The following C19orf12 variants were observed in gnomAD, a reference collection of about 807,000 sequenced individuals.
C19orf12 encodes chromosome 19 open reading frame 12.
In C19orf12, 2 loss-of-function variants were observed where a neutral mutation model predicts 3.8. That is an observed-to-expected ratio of 0.53 (90% CI 0.22 to 1.66). The LOEUF (loss-of-function observed/expected upper bound fraction) is 1.66, where lower values mean the gene tolerates loss of function less well. Ranked by LOEUF, C19orf12 falls within the 40% of genes most tolerant of loss-of-function variation. C19orf12 has a pLI of 0.20. For synonymous variants in C19orf12, 89 were observed against 84.6 expected (o/e 1.05, Z -0.28); for missense variants, 156 against 188.8 (o/e 0.83, Z 1.02).
intron 1 of C19orf12, among the ~76,000 whole-genome samples, chr19:29,709,641 C>T (rs1025325591): frequency 2.0e-5 from 3 of 151,486 alleles, no homozygotes; most frequent in Admixed American, 1.3e-4. Context: ...GCGATCCTCC[C>T]ACCTCAGCCT....
intron 2 of C19orf12, 108 bp from the exon 3 acceptor site, chr19:29,703,085 G>A: frequency 6.0e-6 from 9 of 1,499,126 alleles, no homozygotes; most frequent in Non-Finnish European, 7.4e-6. Context: ...GCACATTCAT[G>A]AGCGGGCTGC....
In C19orf12 at chr19:29,715,203, C is replaced by T. The variant is rs919857361; in HGVS notation, c.-89G>A. 2 of 471,192 alleles carry T rather than the reference C, an allele frequency of 4.2e-6. No homozygotes were observed. The highest frequency in any genetic ancestry group is 4.3e-5 in the African/African-American group (2 of 47,018). 29.2% of individuals were successfully genotyped at this position (471,192 alleles called of 1,614,324 possible). A position where few individuals can be genotyped will look rare whatever the true frequency, so the allele number is the denominator to read the frequency against. On this transcript the variant is annotated 5_prime_UTR_variant, in exon 1 of 3. Coordinates refer to ENST00000323670, the MANE Select transcript of C19orf12 (RefSeq NM_031448.6). ...CCGGGCCTGGCAGGCCCCGGGCTCC[C>T]CGCCCAGCTCCCCAGCCCCGCGGAG...
In C19orf12 at chr19:29,699,158, G is replaced by C. The variant is rs979910997; in HGVS notation, c.*3554C>G. On this transcript the variant is annotated 3_prime_UTR_variant, in exon 3 of 3. Transcript: ENST00000323670. ...TCAAAGGGGCATATAGGATAAGAAG[G>C]CAAGTACGTTAGAAATATACATACA... 2 of 453,728 alleles carry C rather than the reference G, an allele frequency of 4.4e-6. No individual in the cohort carries two copies. The highest frequency in any genetic ancestry group is 4.0e-5 in the African/African-American group (2 of 49,898). 28.1% of individuals were successfully genotyped at this position (453,728 alleles called of 1,614,324 possible). A position where few individuals can be genotyped will look rare whatever the true frequency, so the allele number is the denominator to read the frequency against.
chr19:29,700,193 C>G lies in C19orf12; in HGVS notation c.*2519G>C, dbSNP rs1972004997. The G allele has an allele frequency of 4.4e-6, 2 of 453,942 alleles. No homozygotes were observed. The highest frequency in any genetic ancestry group is 8.8e-6 in the Non-Finnish European group (2 of 226,778). 28.1% of individuals were successfully genotyped at this position (453,942 alleles called of 1,614,324 possible). ...CTGTGTCCCCTGGGCCTGACACAGA[C>G]CAGGACCTGATGCACGAGTAAGAAT... On this transcript the variant is annotated 3_prime_UTR_variant, in exon 3 of 3. Transcript: ENST00000323670.
chr19:29,709,860 GT>G (rs1025589383), intron 1 of C19orf12, among the ~76,000 whole-genome samples: 1 of 151,398 alleles, frequency 6.6e-6, no homozygotes, highest in Non-Finnish European at 1.5e-5. Context: ...GTTTTATGAG[GT>G]TTTTTTGTTT....
At chr19:29,705,479 A>G (rs1192157656) in intron 2 of C19orf12, 1 of 282,940 alleles carries the variant, frequency 3.5e-6, no homozygotes, top group Non-Finnish European at 7.1e-6. Flanking sequence ...AATGGTTAAT[A>G]GTAATGTATT....
At chr19:29,709,403 C>T (rs1972552081) in intron 1 of C19orf12, among the ~76,000 whole-genome samples, 2 of 152,322 alleles carry the variant, frequency 1.3e-5, no homozygotes, top group Admixed American at 1.3e-4. Context: ...TCTGGCTGAG[C>T]CCAAGGCTCC....
chr19:29,708,734 G>C, intron 1 of C19orf12: 1 of 412,004 alleles, frequency 2.4e-6, no homozygotes, highest in Non-Finnish European at 4.6e-6. Context: ...CATCACGAGG[G>C]AGGTGGTCTG....
At chr19:29,710,622 G>A (rs1972616276) in intron 1 of C19orf12, among the ~76,000 whole-genome samples, 1 of 152,158 alleles carries the variant, frequency 6.6e-6, no homozygotes, top group African/African-American at 2.4e-5. Context: ...TTGTCCCCAT[G>A]GAGTATGAGA....
chr19:29,700,264 G>T lies in C19orf12; in HGVS notation c.*2448C>A. 2.2e-6 allele frequency: 1 copy of T among 454,030 alleles called. No individual in the cohort carries two copies. The allele number at this position is 454,030 out of a possible 1,614,324, so 28.1% of individuals were successfully genotyped here. A position where few individuals can be genotyped will look rare whatever the true frequency, so the allele number is the denominator to read the frequency against. On this transcript the variant is annotated 3_prime_UTR_variant, in exon 3 of 3. Transcript: ENST00000323670. ...ACAAAGGCAACTCAATTTCAGCCCC[G>T]ATTGTTCCAGAAGGATTTGCTGTAA...
intron 2 of C19orf12, among the ~76,000 whole-genome samples, chr19:29,706,849 G>T (rs766612003): frequency 2.6e-5 from 4 of 152,182 alleles, no homozygotes; most frequent in Non-Finnish European, 5.9e-5. Context: ...AGCGAGCTGG[G>T]GAACGGAAGC....
upstream of C19orf12, chr19:29,715,364 CG>C: frequency 2.5e-5 from 10 of 392,576 alleles, no homozygotes; most frequent in Admixed American, 8.7e-5. Flanking sequence ...TAGGGGGAGC[CG>C]GGGGTCGCTG....
rs397514477 is a variant in C19orf12, at chr19:29,708,415, G to A, written c.-2C>T. 24 of 1,613,672 alleles carry A rather than the reference G, an allele frequency of 1.5e-5. No homozygotes were observed. The highest frequency in any genetic ancestry group is 2.7e-5 in the African/African-American group (2 of 74,920). ...GATGTCCTCCACCATGATAGTCATC[G>A]TGGCGGGCCTTCGAGGGAGAAGTTC... On this transcript the variant is annotated 5_prime_UTR_variant, in exon 2 of 3. It adds an upstream start codon to the 5' untranslated region. Transcript: ENST00000323670.
chr19:29,704,291 A>T (rs996034422), intron 2 of C19orf12, among the ~76,000 whole-genome samples: 3 of 152,072 alleles, frequency 2.0e-5, no homozygotes, highest in Non-Finnish European at 4.4e-5. Flanking sequence ...AACATGGTGA[A>T]ACCCTGTCTC....
intron 2 of C19orf12, among the ~76,000 whole-genome samples, chr19:29,705,850 C>T (rs1335498838): frequency 6.6e-6 from 1 of 152,132 alleles, no homozygotes; most frequent in Non-Finnish European, 1.5e-5. Flanking sequence ...TACAGTAATA[C>T]ATGTGATCGC....
chr19:29,702,371 C>T lies in C19orf12; in HGVS notation c.*341G>A, dbSNP rs528052606. The stretch of plus-strand genomic sequence containing the variant: ...GGAGGATGAAGTGTGGTCAGACCGT[C>T]GGCTGAGCGTGATCACTTCCCCAGA... On this transcript the variant is annotated 3_prime_UTR_variant, in exon 3 of 3. Transcript: ENST00000323670. The T allele has an allele frequency of 9.6e-6, 5 of 519,536 alleles. No individual in the cohort carries two copies. The highest frequency in any genetic ancestry group is 5.0e-5 in the East Asian group (1 of 19,888). The allele number at this position is 519,536 out of a possible 1,614,324, so 32.2% of individuals were successfully genotyped here.
In C19orf12 at chr19:29,715,152, G is replaced by A. The variant is rs558329031; in HGVS notation, c.-38C>T. On this transcript the variant is annotated 5_prime_UTR_variant, in exon 1 of 3. Coordinates refer to ENST00000323670, the MANE Select transcript of C19orf12 (RefSeq NM_031448.6). ...GGGGGAGCGGAGGTCTACGCGGCGC[G>A]CTCGGCGATCAGACGCGGCTGCAGC... The A allele has an allele frequency of 6.8e-4, 382 of 563,944 alleles. 1 individual carries two copies. In the African/African-American group the frequency reaches 7.3e-3, roughly 11 times the overall value. 34.9% of individuals were successfully genotyped at this position (563,944 alleles called of 1,614,324 possible).
In C19orf12 at chr19:29,705,512, T is replaced by G. The variant is rs1437573856; in HGVS notation, c.161-2535A>C. On this transcript the variant is annotated intron_variant, in intron 2 of 2. Transcript: ENST00000323670. ...ATTCGTTGGTGTTGGTTTCTTAGGT[T>G]TTTTTTTTTTTTTCCTTAGACAGAA... 5.4e-5 allele frequency: 11 copies of G among 201,884 alleles called. No homozygotes were observed. The East Asian group carries it at 1.1e-3, about 20-fold the overall frequency. The allele number at this position is 201,884 out of a possible 1,614,324, so 12.5% of individuals were successfully genotyped here.
chr19:29,715,553 C>T (rs1040790635), upstream of C19orf12: 8 of 228,024 alleles, frequency 3.5e-5, no homozygotes, highest in Non-Finnish European at 7.5e-5. Flanking sequence ...CACATCCGGG[C>T]CCCGCGCACC....
Sources: gnomAD v4.1 joint callset for allele counts (sites outside exome capture counted in the v4.1 genomes callset) on GRCh38, gnomAD v4.1.1 for gene constraint, MANE v1.5 for transcripts, NCBI Gene and HGNC (gene_info 2026-07-23, HGNC 2026-07-21) for gene names.